PIN4: variants seen among roughly 807,000 people sequenced by gnomAD.
The protein encoded by PIN4 is peptidyl-prolyl cis-trans isomerase NIMA-interacting 4.
In PIN4, 3 loss-of-function variants were observed where a neutral mutation model predicts 8.3. That is an observed-to-expected ratio of 0.36 (90% CI 0.16 to 0.93). The LOEUF (loss-of-function observed/expected upper bound fraction) is 0.93. Ranked by LOEUF, PIN4 falls within the 40% of genes least tolerant of loss-of-function variation. The pLI is 0.44. For synonymous variants in PIN4, 18 were observed against 32.5 expected (o/e 0.55, Z 1.52); for missense variants, 75 against 100.6 (o/e 0.75, Z 1.09).
intron 3 of PIN4, among the ~76,000 whole-genome samples, chrX:72,253,030 C>T (rs1486926912): frequency 9.0e-6 from 1 of 111,684 alleles, no homozygotes; most frequent in Non-Finnish European, 1.9e-5. Context: ...ACTCTGAAAA[C>T]GTCCAAAAGA....
chrX:72,195,756 A>G (rs1046524112), intron 2 of PIN4, among the ~76,000 whole-genome samples: 6 of 112,033 alleles, frequency 5.4e-5, no homozygotes, highest in Non-Finnish European at 9.4e-5. Context: ...CAATCCTATG[A>G]GAACACATAG....
intron 3 of PIN4, among the ~76,000 whole-genome samples, chrX:72,259,370 C>G (rs1475763291): frequency 9.1e-6 from 1 of 109,658 alleles, no homozygotes; most frequent in African/African-American, 3.3e-5. Context: ...AGGCGCCCAC[C>G]ACCATGCCCG....
At chrX:72,206,601 T>C in intron 3 of PIN4, 1 of 1,211,360 alleles carries the variant, frequency 8.3e-7, no homozygotes, top group Non-Finnish European at 1.1e-6. Context: ...TTCTAGTTCT[T>C]TGTTGTTCCA....
chrX:72,247,265 C>A (rs1322753359), intron 3 of PIN4, among the ~76,000 whole-genome samples: 1 of 112,136 alleles, frequency 8.9e-6, no homozygotes, highest in Non-Finnish European at 1.9e-5. Flanking sequence ...CACCCAGGAA[C>A]TAGACAGCCC....
At chrX:72,207,995 T>A (rs1316695947) in intron 3 of PIN4, 7 of 1,211,205 alleles carry the variant, frequency 5.8e-6, no homozygotes, top group Non-Finnish European at 7.8e-6. Context: ...TGGATTGGGG[T>A]TCCTGTGAGG....
intron 3 of PIN4, among the ~76,000 whole-genome samples, chrX:72,217,211 G>A (rs1249232689): frequency 4.5e-5 from 5 of 111,723 alleles, no homozygotes; most frequent in South Asian, 3.8e-4. Context: ...GCACTAAAAT[G>A]TTCAGGTCTG....
intron 3 of PIN4, among the ~76,000 whole-genome samples, chrX:72,227,257 G>A (rs1034763087): frequency 1.8e-5 from 2 of 111,563 alleles, no homozygotes; most frequent in African/African-American, 6.5e-5. Context: ...TTTTCAATCC[G>A]ACAATGGTCC....
intron 3 of PIN4, among the ~76,000 whole-genome samples, chrX:72,249,056 G>A (rs1040520449): frequency 3.6e-5 from 4 of 111,125 alleles, no homozygotes; most frequent in East Asian, 2.8e-4. Flanking sequence ...TTATGTTTGC[G>A]ATATATTTAT....
intron 3 of PIN4, among the ~76,000 whole-genome samples, chrX:72,241,635 G>A (rs1319932316): frequency 8.9e-6 from 1 of 111,990 alleles, no homozygotes; most frequent in Non-Finnish European, 1.9e-5. Context: ...CCAGCCTGAC[G>A]GAGAAACCCT....
chrX:72,208,199 G>A (rs748131332), intron 3 of PIN4: 9 of 1,211,640 alleles, frequency 7.4e-6, no homozygotes, highest in Non-Finnish European at 1.0e-5. Flanking sequence ...TGCTGAATCC[G>A]ATTGAGGTTT....
At position 72,186,313 on chromosome X, in the gene PIN4, G is replaced by T. The variant is rs759997469; in HGVS notation, c.44-148G>T. The T allele has an allele frequency of 2.1e-5, 11 of 515,360 alleles. 1 individual carries two copies. The highest frequency in any genetic ancestry group is 5.0e-5 in the South Asian group (2 of 39,817). The allele number at this position is 515,360 out of a possible 1,213,427, so 42.5% of individuals were successfully genotyped here. A position where few individuals can be genotyped will look rare whatever the true frequency, so the allele number is the denominator to read the frequency against. ...CATTGTGGCCCAGGGAAGCTGAAAG[G>T]TTGGATACCCTTGTTGTAAAGTGTC... is the stretch of plus-strand genomic sequence containing the variant. On this transcript the variant is annotated intron_variant, in intron 1 of 3. Coordinates refer to ENST00000373669, the MANE Select transcript of PIN4 (RefSeq NM_006223.4).
intron 3 of PIN4, among the ~76,000 whole-genome samples, chrX:72,251,362 C>CAAAAAAAAAAAAAAAAAAAAAAAAAAA (rs35914181): frequency 1.5e-5 from 1 of 65,628 alleles, no homozygotes; most frequent in Non-Finnish European, 2.4e-5. Flanking sequence ...GACTCTGTCT[C>CAAAAAAAAAAAAAAAAAAAAAAAAAAA]AAAAAAAAAA....
chrX:72,251,036 G>A (rs781580740), intron 3 of PIN4, among the ~76,000 whole-genome samples: 2 of 105,502 alleles, frequency 1.9e-5, no homozygotes, highest in South Asian at 4.9e-4. Context: ...CACCACGCCC[G>A]GCCTGGTACA....
chrX:72,239,544 G>A (rs1316353279), intron 3 of PIN4, among the ~76,000 whole-genome samples: 2 of 111,697 alleles, frequency 1.8e-5, no homozygotes, highest in Non-Finnish European at 3.8e-5. Flanking sequence ...ACCGGGGCGG[G>A]CGGATCACGT....
At chrX:72,206,581 G>A in intron 3 of PIN4, 1 of 1,210,849 alleles carries the variant, frequency 8.3e-7, no homozygotes, top group Non-Finnish European at 1.1e-6. Context: ...TCTTAGCCAG[G>A]CCCCCTCATT....
chrX:72,240,580 G>A (rs999240320), intron 3 of PIN4, among the ~76,000 whole-genome samples: 8 of 110,772 alleles, frequency 7.2e-5, no homozygotes, highest in Non-Finnish European at 1.5e-4. Context: ...AGGCCGAGGC[G>A]GGCGGATCAC....
chrX:72,250,976 G>T (rs1173512846), intron 3 of PIN4, among the ~76,000 whole-genome samples: 1 of 107,683 alleles, frequency 9.3e-6, no homozygotes, highest in Non-Finnish European at 1.9e-5. Flanking sequence ...CTGACCACAG[G>T]TGATCCTCCC....
Position 72,251,079 on chromosome X carries a change from C to T in PIN4, c.313-11628C>T, listed in dbSNP as rs539713983. On this transcript the variant is annotated intron_variant, in intron 3 of 3. Coordinates refer to the PIN4 transcript ENST00000423432. ...TTTTAAAAAATATGTGTGAGTGGGC[C>T]GGGTGCGGTGGCTCACGCCTGTAAT... 5.4e-4 allele frequency among the ~76,000 whole-genome samples: 54 copies of T among 99,277 alleles called. No individual in the cohort carries two copies. In the South Asian group the frequency reaches 0.015, roughly 28 times the overall value. The allele number at this position is 99,277 out of a possible 115,157, so 86.2% of individuals were successfully genotyped here.
At chrX:72,210,202 AAAATAAATAAATAAAT>A (rs58086876) in intron 3 of PIN4, among the ~76,000 whole-genome samples, 21 of 97,189 alleles carry the variant, frequency 2.2e-4, no homozygotes, top group South Asian at 1.0e-3. Flanking sequence ...TGTCTCTTAA[AAAATAAATAAATAAAT>A]AAATAAATAA....
Sources: allele counts gnomAD v4.1 joint callset (sites outside exome capture counted in the v4.1 genomes callset), GRCh38; gene constraint gnomAD v4.1.1; transcripts MANE v1.5; gene names NCBI Gene and HGNC (gene_info 2026-07-23, HGNC 2026-07-21).